The following MYO5C variants were observed in gnomAD, a reference collection of about 807,000 sequenced individuals.
The protein encoded by MYO5C is unconventional myosin-Vc.
A neutral mutation model predicts 235.7 loss-of-function variants in MYO5C; 194 were observed. The observed-to-expected ratio is 0.82, with a 90% CI of 0.73 to 0.93. The LOEUF is 0.93. Ranked by LOEUF, MYO5C falls within the 40% of genes least tolerant of loss-of-function variation. The pLI, the probability that MYO5C is intolerant of heterozygous loss-of-function variation, is 0.00. For missense variants in MYO5C, 2,038 were observed against 2,127.2 expected, an observed-to-expected ratio of 0.96 and a Z score of 0.82; for synonymous variants, 707 against 754.8, an observed-to-expected ratio of 0.94 and a Z score of 1.04.
chr15:52,255,951 T>C (rs1455047592), intron 11 of MYO5C, among the ~76,000 whole-genome samples: 1 of 152,174 alleles, frequency 6.6e-6, no homozygotes, highest in Non-Finnish European at 1.5e-5. Flanking sequence ...TATTGTTAGT[T>C]AGGAAGGTAC....
Position 52,211,174 on chromosome 15 carries a change from T to C in MYO5C, c.4296+556A>G, listed in dbSNP as rs117351830. On this transcript the variant is annotated intron_variant, in intron 35 of 40. Transcript: ENST00000261839. Reference sequence around the variant, plus strand: ...ACCTTCCAACCTAGATGGCTCATTATGGAACCGCTATCAGCAAAGAAAAAT... The same window carrying C: ...ACCTTCCAACCTAGATGGCTCATTACGGAACCGCTATCAGCAAAGAAAAAT... 4.8e-3 allele frequency among the ~76,000 whole-genome samples: 737 copies of C among 152,354 alleles called. 14 individuals carry two copies. Among genetic ancestry groups the C allele is most frequent in the Admixed American group, 0.025 (386 of 15,306 alleles).
chr15:52,204,924 C>T lies in MYO5C; in HGVS notation c.4761G>A (p.Thr1587=). ...KQLFFLIGAV[T]LNSLFLRKDM... is the part of the protein sequence containing the mutation. Reference sequence around the variant, plus strand: ...CCTTGCGCAGGAAGAGGCTGTTCAGCGTGACCGCCCCGATCAAGAAGAAGA... The same window carrying T: ...CCTTGCGCAGGAAGAGGCTGTTCAGTGTGACCGCCCCGATCAAGAAGAAGA... Residue 1587 remains threonine, a synonymous_variant, in exon 38 of 41, where the codon ACG becomes ACA. Coordinates refer to ENST00000261839, the MANE Select transcript of MYO5C (RefSeq NM_018728.4). 6.2e-7 allele frequency: 1 copy of T among 1,614,220 alleles called. No individual in the cohort carries two copies. The highest frequency in any genetic ancestry group is 1.1e-5 in the South Asian group (1 of 91,086).
chr15:52,270,557 G>C (rs141036542), intron 7 of MYO5C, among the ~76,000 whole-genome samples: 1 of 150,052 alleles, frequency 6.7e-6, no homozygotes, highest in Non-Finnish European at 1.5e-5. Context: ...AGCACAATCC[G>C]GATAATGACT....
intron 37 of MYO5C, chr15:52,205,348 G>C: frequency 3.3e-6 from 2 of 603,640 alleles, no homozygotes; most frequent in Non-Finnish European, 5.7e-6. Context: ...TGTTTCCAGC[G>C]GGGCTGCAGC....
At chr15:52,257,733 C>T (rs2036613135) in intron 10 of MYO5C, among the ~76,000 whole-genome samples, 2 of 152,192 alleles carry the variant, frequency 1.3e-5, no homozygotes, top group Admixed American at 1.3e-4. Context: ...GGACCAACAG[C>T]CAGCAAGTGG....
chr15:52,211,239 A>T (rs1179937764), intron 35 of MYO5C, among the ~76,000 whole-genome samples: 2 of 152,340 alleles, frequency 1.3e-5, no homozygotes, highest in East Asian at 3.9e-4. Context: ...GGGCAAAGGG[A>T]GGTGGCAGGT....
intron 29 of MYO5C, among the ~76,000 whole-genome samples, chr15:52,221,565 G>T (rs534115007): frequency 6.6e-6 from 1 of 152,154 alleles, no homozygotes; most frequent in Non-Finnish European, 1.5e-5. Context: ...GGCAGCCAGC[G>T]TCTTTGGTCC....
Position 52,253,322 on chromosome 15 carries a change from A to G in MYO5C, c.1531T>C (p.Cys511Arg). The G allele has an allele frequency of 1.2e-6, 2 of 1,604,570 alleles. No individual in the cohort carries two copies. ...MGILELLDEE[C>R]LLPHGTDENW... The stretch of plus-strand genomic sequence containing the variant: ...CAATTATTCTTAAAAGTTACCAAAC[A>G]TTCTTCATCCAGTAACTCCAGAATT... Residue 511 changes from cysteine to arginine, a missense_variant, in exon 12 of 41, where the codon TGT (cysteine) becomes CGT (arginine). Transcript: ENST00000261839.
chr15:52,196,228 C>A, intron 39 of MYO5C, 81 bp downstream of exon 39: 3 of 1,407,904 alleles, frequency 2.1e-6, no homozygotes, highest in Non-Finnish European at 2.8e-6. Context: ...GTGCCCACAG[C>A]TGGCTAAACC....
intron 11 of MYO5C, among the ~76,000 whole-genome samples, chr15:52,254,058 T>C (rs2036531149): frequency 6.6e-6 from 1 of 152,134 alleles, no homozygotes. Flanking sequence ...GGGAACCACA[T>C]GAAAGCTCAA....
At chr15:52,209,964 A>AT (rs2035408935) in intron 35 of MYO5C, among the ~76,000 whole-genome samples, 1 of 151,946 alleles carries the variant, frequency 6.6e-6, no homozygotes, top group South Asian at 2.1e-4. Flanking sequence ...TAATTAATTA[A>AT]TTAATTTATT....
At chr15:52,246,535 G>A (rs193244903) in intron 16 of MYO5C, among the ~76,000 whole-genome samples, 158 of 152,246 alleles carry the variant, frequency 1.0e-3, no homozygotes, top group African/African-American at 3.7e-3. Flanking sequence ...ATATTCACAA[G>A]CTTTGGGTCT....
In MYO5C at chr15:52,245,511, C is replaced by T. The variant is rs368036725; in HGVS notation, c.2067-46G>A. ...AAAGCCAGGAGTGTCAGAGGAAGCACATTGTGTCTGGGGACTCCGCTGCCT... is the reference window on the plus strand; with the variant it reads ...AAAGCCAGGAGTGTCAGAGGAAGCATATTGTGTCTGGGGACTCCGCTGCCT... On this transcript the variant is annotated intron_variant, in intron 17 of 40. Coordinates refer to ENST00000261839, the MANE Select transcript of MYO5C (RefSeq NM_018728.4). 8.0e-6 allele frequency: 11 copies of T among 1,383,044 alleles called. No individual in the cohort carries two copies. The African/African-American group carries it at 1.1e-4, about 14-fold the overall frequency. 85.7% of individuals were successfully genotyped at this position (1,383,044 alleles called of 1,614,324 possible). A position where few individuals can be genotyped will look rare whatever the true frequency, so the allele number is the denominator to read the frequency against.
At chr15:52,276,823 T>C (rs896291752) in intron 4 of MYO5C, among the ~76,000 whole-genome samples, 3 of 152,194 alleles carry the variant, frequency 2.0e-5, no homozygotes, top group African/African-American at 7.2e-5. Context: ...GCATTAAACT[T>C]TTCATGTCAT....
intron 1 of MYO5C, among the ~76,000 whole-genome samples, chr15:52,284,896 G>A (rs2037229578): frequency 6.7e-6 from 1 of 149,982 alleles, no homozygotes; most frequent in South Asian, 2.1e-4. Context: ...CTGGAGTGCA[G>A]TGACGTGATC....
rs1407606755 is a variant in MYO5C at position 52,295,646 on chromosome 15, G to A, written c.-10C>T. ...GCTCGGCCACCGCCATGGGCAGGAG[G>A]GGCCGGGGCCAGGCCGGGGCTGCCG... On this transcript the variant is annotated 5_prime_UTR_variant, in exon 1 of 41. Transcript: ENST00000261839. 1.4e-6 allele frequency: 2 copies of A among 1,461,268 alleles called. No individual in the cohort carries two copies. Among genetic ancestry groups the A allele is most frequent in the South Asian group, 1.4e-5 (1 of 73,580 alleles). 90.5% of individuals were successfully genotyped at this position (1,461,268 alleles called of 1,614,324 possible).
chr15:52,230,747 T>C (rs1303626965), intron 24 of MYO5C, among the ~76,000 whole-genome samples: 3 of 140,298 alleles, frequency 2.1e-5, no homozygotes, highest in African/African-American at 5.9e-5. Context: ...TGTTTCCAGG[T>C]TTTTTAAAAA....
chr15:52,203,708 C>G (rs1332356691), intron 38 of MYO5C, among the ~76,000 whole-genome samples: 10 of 152,178 alleles, frequency 6.6e-5, no homozygotes, highest in Non-Finnish European at 1.5e-4. Context: ...GTTGTGCTAT[C>G]AAATAGTAGG....
At position 52,224,887 on chromosome 15, in the gene MYO5C, G is replaced by A. The variant is rs772360904; in HGVS notation, c.3446+14C>T. 34 of 1,603,042 alleles carry A rather than the reference G, an allele frequency of 2.1e-5. No homozygotes were observed. The highest frequency in any genetic ancestry group is 2.7e-5 in the Non-Finnish European group (32 of 1,173,522). On this transcript the variant is annotated intron_variant, in intron 28 of 40. Transcript: ENST00000261839. ...TCTGAAAAATAAAGAAGATCCCTGA[G>A]GAGAATTTCTAACCGTGTTGCTTTC... is the stretch of plus-strand genomic sequence containing the variant.
Sources: gnomAD v4.1 joint callset for allele counts (sites outside exome capture counted in the v4.1 genomes callset) on GRCh38, gnomAD v4.1.1 for gene constraint, MANE v1.5 for transcripts, NCBI Gene and HGNC (gene_info 2026-07-23, HGNC 2026-07-21) for gene names.